CRACR2A: variants seen among roughly 807,000 people sequenced by gnomAD.
CRACR2A encodes calcium release activated channel regulator 2A, also known as EF-hand calcium-binding domain-containing protein 4B.
In CRACR2A, 79 loss-of-function variants were observed where a neutral mutation model predicts 90.5. The ratio of observed to expected loss-of-function variants is 0.87; its 90% confidence interval spans 0.73 to 1.05. The LOEUF (loss-of-function observed/expected upper bound fraction) is 1.05. Among genes scored for constraint, CRACR2A ranks in the 50% least tolerant of loss-of-function variants. The pLI, the probability that CRACR2A is intolerant of heterozygous loss-of-function variation, is 0.00. For synonymous variants in CRACR2A, 338 were observed against 356.7 expected, an observed-to-expected ratio of 0.95 and a Z score of 0.59; for missense variants, 823 against 897.2, an observed-to-expected ratio of 0.92 and a Z score of 1.06.
intron 7 of CRACR2A, among the ~76,000 whole-genome samples, chr12:3,671,240 C>G (rs148662613): frequency 6.4e-4 from 98 of 152,202 alleles, no homozygotes; most frequent in African/African-American, 1.6e-3. Context: ...GCAATTATCT[C>G]CTTAGAGAAC....
intron 15 of CRACR2A, among the ~76,000 whole-genome samples, chr12:3,631,896 C>G (rs1330307992): frequency 6.6e-6 from 1 of 152,170 alleles, no homozygotes; most frequent in African/African-American, 2.4e-5. Flanking sequence ...GCTTGTCACA[C>G]AGCCAAAGGT....
At chr12:3,646,592 A>G (rs1310553261) in intron 11 of CRACR2A, among the ~76,000 whole-genome samples, 1 of 152,198 alleles carries the variant, frequency 6.6e-6, no homozygotes, top group African/African-American at 2.4e-5. Context: ...AGGCAGGCAC[A>G]CAGCCAGGGC....
rs79670551 is a variant in CRACR2A at position 3,648,454 on chromosome 12, C to G, written c.1118+88G>C. On this transcript the variant is annotated intron_variant, in intron 11 of 19. Coordinates refer to ENST00000440314, the MANE Select transcript of CRACR2A (RefSeq NM_001144958.2). ...TCTCAGCAGGCACGTTTTTCCAGCA[C>G]GTAGGCAAGGATGACCCTCAGACTG... The G allele has an allele frequency of 6.7e-5, 107 of 1,603,860 alleles. No homozygotes were observed. In the East Asian group the frequency reaches 2.3e-3, roughly 34 times the overall value.
At chr12:3,736,416 A>C (rs73033653) in intron 1 of CRACR2A, among the ~76,000 whole-genome samples, 8,933 of 152,066 alleles carry the variant, frequency 0.059, 358 homozygotes, top group East Asian at 0.13. Context: ...GGCAAGGAAG[A>C]GAATTAGTTC....
chr12:3,622,526 C>T (rs918067594), intron 17 of CRACR2A, among the ~76,000 whole-genome samples: 3 of 152,186 alleles, frequency 2.0e-5, no homozygotes, highest in Non-Finnish European at 4.4e-5. Flanking sequence ...AAAAGATCAC[C>T]CATCTCTGAC....
intron 7 of CRACR2A, among the ~76,000 whole-genome samples, chr12:3,660,498 C>A (rs534362544): frequency 6.6e-6 from 1 of 152,182 alleles, no homozygotes; most frequent in African/African-American, 2.4e-5. Context: ...GAGATGAAGA[C>A]AAACACACAG....
intron 15 of CRACR2A, among the ~76,000 whole-genome samples, chr12:3,630,628 C>T (rs1368327590): frequency 2.6e-5 from 4 of 152,272 alleles, no homozygotes; most frequent in East Asian, 1.9e-4. Context: ...CAGGGAGATC[C>T]TCTATTGTGG....
intron 1 of CRACR2A, among the ~76,000 whole-genome samples, chr12:3,741,208 A>T (rs56286470): frequency 0.16 from 23,861 of 152,106 alleles, 2,070 homozygotes; most frequent in African/African-American, 0.2. Context: ...TTGGAAACAT[A>T]GCCCAGATTT....
At chr12:3,623,509 C>T (rs994985872) in intron 17 of CRACR2A, among the ~76,000 whole-genome samples, 1 of 152,186 alleles carries the variant, frequency 6.6e-6, no homozygotes, top group Non-Finnish European at 1.5e-5. Flanking sequence ...TTTCTATTTT[C>T]TCTACCCGAC....
At chr12:3,708,310 C>A (rs1373678757) in intron 3 of CRACR2A, among the ~76,000 whole-genome samples, 1 of 152,216 alleles carries the variant, frequency 6.6e-6, no homozygotes, top group African/African-American at 2.4e-5. Context: ...CTTTAGAACA[C>A]TTTTCTGGGG....
intron 2 of CRACR2A, among the ~76,000 whole-genome samples, chr12:3,722,736 C>G (rs1480818950): frequency 6.6e-6 from 1 of 152,118 alleles, no homozygotes; most frequent in African/African-American, 2.4e-5. Context: ...GAATAGTCCC[C>G]CTCCACTCTC....
chr12:3,657,517 C>T lies in CRACR2A; in HGVS notation c.763-1111G>A, dbSNP rs115998585. ...AGGCGCAGGATGCTTCCTTGCGCAT[C>T]CTCTATGGATGTTACCAGGTTCTTC... is the stretch of plus-strand genomic sequence containing the variant. On this transcript the variant is annotated intron_variant, in intron 8 of 19. Coordinates refer to ENST00000440314, the MANE Select transcript of CRACR2A (RefSeq NM_001144958.2). Among the ~76,000 whole-genome samples, 370 of 152,310 alleles carry T rather than the reference C, an allele frequency of 2.4e-3. 1 individual carries two copies. Among genetic ancestry groups the T allele is most frequent in the African/African-American group, 8.3e-3 (347 of 41,570 alleles).
chr12:3,619,240 G>A (rs1372166036), intron 18 of CRACR2A, 31 bp downstream of exon 18: 3 of 1,533,648 alleles, frequency 2.0e-6, no homozygotes, highest in South Asian at 2.4e-5. Context: ...GTCACACTCT[G>A]TCCAGAGAGA....
In CRACR2A at chr12:3,660,886, AC is replaced by A. The variant is rs145597182; in HGVS notation, c.672-1233del. ...CACACACACACACACACACACACAC[AC>A]AATTTTGGCCCCTGCCATTCTAACT... On this transcript the variant is annotated intron_variant, in intron 7 of 19. Transcript: ENST00000440314. Among the ~76,000 whole-genome samples the A allele has an allele frequency of 7.9e-3, 819 of 103,510 alleles. 17 individuals are homozygous for A. The highest frequency in any genetic ancestry group is 0.071 in the East Asian group (142 of 2,010). The allele number at this position is 103,510 out of a possible 152,430, so 67.9% of individuals were successfully genotyped here.
At chr12:3,649,094 G>A (rs565152351) in intron 10 of CRACR2A, among the ~76,000 whole-genome samples, 171 of 152,126 alleles carry the variant, frequency 1.1e-3, no homozygotes, top group African/African-American at 3.9e-3. Flanking sequence ...GTGGGGGAAG[G>A]GGGGAGGGAT....
At chr12:3,725,369 C>T (rs1946245158) in intron 2 of CRACR2A, among the ~76,000 whole-genome samples, 1 of 152,178 alleles carries the variant, frequency 6.6e-6, no homozygotes, top group Admixed American at 6.5e-5. Context: ...GGCTCTGGTA[C>T]CTCCAGGTGT....
In CRACR2A at chr12:3,654,334, C is replaced by T. The variant is rs746540272; in HGVS notation, c.924G>A (p.Leu308=). Residue 308 remains leucine, a synonymous_variant, in exon 10 of 20, where the codon CTG becomes CTA. Transcript: ENST00000440314. ...GGGCCAGCTCCTGGTTAGTGAGTTT[C>T]AGCTTGGTATTCTCAGCCTTGGTCT... ...KHETKAENTK[L]KLTNQELARE... 3.5e-5 allele frequency: 57 copies of T among 1,613,876 alleles called. No individual in the cohort carries two copies. The highest frequency in any genetic ancestry group is 4.6e-5 in the Non-Finnish European group (54 of 1,179,972).
At chr12:3,653,912 G>A (rs1391562308) in intron 10 of CRACR2A, among the ~76,000 whole-genome samples, 2 of 152,214 alleles carry the variant, frequency 1.3e-5, no homozygotes, top group Admixed American at 6.5e-5. Context: ...AGTAACATAT[G>A]AGTACATATG....
chr12:3,631,284 A>G (rs749901208), intron 15 of CRACR2A, among the ~76,000 whole-genome samples: 1 of 152,142 alleles, frequency 6.6e-6, no homozygotes, highest in Non-Finnish European at 1.5e-5. Flanking sequence ...AGTGCAAATG[A>G]GTCTGATTTT....
Sources: gnomAD v4.1 joint callset for allele counts (sites outside exome capture counted in the v4.1 genomes callset) on GRCh38, gnomAD v4.1.1 for gene constraint, MANE v1.5 for transcripts, NCBI Gene and HGNC (gene_info 2026-07-23, HGNC 2026-07-21) for gene names.